NDUFS4: variants seen among roughly 807,000 people sequenced by gnomAD.
The protein encoded by NDUFS4 is NADH:ubiquinone oxidoreductase subunit S4.
Under a neutral mutation model 24.3 loss-of-function variants are expected in NDUFS4, and 28 were observed. The observed-to-expected ratio is 1.15, with a 90% CI of 0.85 to 1.58. The LOEUF (loss-of-function observed/expected upper bound fraction) is 1.58. Ranked by LOEUF, NDUFS4 falls within the 40% of genes most tolerant of loss-of-function variation. NDUFS4 has a pLI of 0.00. For missense variants in NDUFS4, 223 were observed against 207.9 expected (o/e 1.07, Z -0.45); for synonymous variants, 93 against 69.7 (o/e 1.34, Z -1.67).
chr5:53,667,395 G>A (rs1167194766), intron 4 of NDUFS4, among the ~76,000 whole-genome samples: 1 of 151,792 alleles, frequency 6.6e-6, no homozygotes, highest in African/African-American at 2.4e-5. Flanking sequence ...AACCCGGGAG[G>A]CAGAGGTTGC....
At position 53,577,229 on chromosome 5, in the gene NDUFS4, G is replaced by A. The variant is rs528647100; in HGVS notation, c.98+16469G>A. Among the ~76,000 whole-genome samples the A allele has an allele frequency of 3.9e-5, 6 of 152,256 alleles. No homozygotes were observed. The East Asian group carries it at 9.6e-4, about 24-fold the overall frequency. ...GTATTACCCATTTGAAAGGTGGAAG[G>A]CTTGACCATTTATCCATAAGTTCTC... On this transcript the variant is annotated intron_variant, in intron 1 of 4. Transcript: ENST00000296684.
intron 2 of NDUFS4, among the ~76,000 whole-genome samples, chr5:53,631,750 C>G (rs981713519): frequency 3.9e-5 from 6 of 152,178 alleles, no homozygotes; most frequent in African/African-American, 1.4e-4. Flanking sequence ...CATCCCAGGT[C>G]GATCTCAGAC....
intron 1 of NDUFS4, among the ~76,000 whole-genome samples, chr5:53,592,615 G>A (rs1165130166): frequency 1.3e-5 from 2 of 151,600 alleles, no homozygotes; most frequent in African/African-American, 4.8e-5. Flanking sequence ...GCATGTGGAT[G>A]TCTGGTTGTA....
At chr5:53,628,076 A>G (rs1239138348) in intron 2 of NDUFS4, among the ~76,000 whole-genome samples, 1 of 152,124 alleles carries the variant, frequency 6.6e-6, no homozygotes, top group East Asian at 1.9e-4. Context: ...GTTTATTGAG[A>G]GTTTTTAGCA....
intron 3 of NDUFS4, among the ~76,000 whole-genome samples, chr5:53,647,556 G>A (rs760013423): frequency 1.8e-4 from 27 of 152,114 alleles, no homozygotes; most frequent in Non-Finnish European, 2.8e-4. Flanking sequence ...ATAAATTCTT[G>A]TGGTACTAAT....
At chr5:53,604,036 C>T (rs1044556072) in intron 2 of NDUFS4, among the ~76,000 whole-genome samples, 5 of 152,068 alleles carry the variant, frequency 3.3e-5, no homozygotes, top group African/African-American at 1.2e-4. Flanking sequence ...ACTAGCAAGA[C>T]CAGCAACAAA....
chr5:53,565,842 C>A (rs1475166705), intron 1 of NDUFS4, among the ~76,000 whole-genome samples: 1 of 152,108 alleles, frequency 6.6e-6, no homozygotes, highest in Non-Finnish European at 1.5e-5. Context: ...AACATGAGAA[C>A]TTTTTTGGAG....
intron 1 of NDUFS4, among the ~76,000 whole-genome samples, chr5:53,602,965 CTAA>C (rs1436571342): frequency 6.6e-6 from 1 of 152,158 alleles, no homozygotes; most frequent in Non-Finnish European, 1.5e-5. Flanking sequence ...CAGGACTAAA[CTAA>C]TAACATTAGT....
At chr5:53,624,544 C>A (rs1007319212) in intron 2 of NDUFS4, among the ~76,000 whole-genome samples, 5 of 152,150 alleles carry the variant, frequency 3.3e-5, no homozygotes, top group African/African-American at 9.7e-5. Flanking sequence ...GTGTACAAAT[C>A]TTTCGTTTTC....
chr5:53,580,691 TC>T (rs1406299223), intron 1 of NDUFS4, among the ~76,000 whole-genome samples: 4 of 146,008 alleles, frequency 2.7e-5, no homozygotes, highest in African/African-American at 7.8e-5. Flanking sequence ...CTTTCGTCCT[TC>T]CTTTCCTTTC....
chr5:53,629,353 C>T (rs1751329184), intron 2 of NDUFS4, among the ~76,000 whole-genome samples: 1 of 152,066 alleles, frequency 6.6e-6, no homozygotes, highest in Non-Finnish European at 1.5e-5. Context: ...AATGTATATT[C>T]TATTGATTTG....
chr5:53,630,448 C>G (rs943086517), intron 2 of NDUFS4, among the ~76,000 whole-genome samples: 19 of 151,848 alleles, frequency 1.3e-4, no homozygotes, highest in African/African-American at 4.4e-4. Context: ...TGGGGAAGTT[C>G]TCCTGGATAA....
rs76097172 is a variant in NDUFS4 at position 53,665,783 on chromosome 5, C to T, written c.424+7159C>T. Among the ~76,000 whole-genome samples the T allele has an allele frequency of 5.3e-5, 8 of 152,332 alleles. No homozygotes were observed. The East Asian group carries it at 9.7e-4, about 18-fold the overall frequency. ...GACCCCTTGCGCTTCCTGGGTGAGG[C>T]GATGCCTCGCCCTGCTTGGGCTCAC... is the stretch of plus-strand genomic sequence containing the variant. On this transcript the variant is annotated intron_variant, in intron 4 of 4. Transcript: ENST00000296684.
At chr5:53,594,859 C>T (rs1026996504) in intron 1 of NDUFS4, among the ~76,000 whole-genome samples, 28 of 139,444 alleles carry the variant, frequency 2.0e-4, no homozygotes, top group Admixed American at 4.5e-4. Context: ...TTTGTATATA[C>T]GTATGTCTGT....
intron 2 of NDUFS4, among the ~76,000 whole-genome samples, chr5:53,609,450 GCT>G (rs1328179670): frequency 2.0e-5 from 3 of 152,154 alleles, no homozygotes; most frequent in African/African-American, 7.2e-5. Flanking sequence ...AGTAAACCAT[GCT>G]GTAAACAACT....
At chr5:53,683,050 T>C in intron 4 of NDUFS4, 68 bp from the exon 5 acceptor site, 1 of 1,018,962 alleles carries the variant, frequency 9.8e-7, no homozygotes, top group South Asian at 1.3e-5. Flanking sequence ...TAGCCTCTGC[T>C]TGCTGTGCTT....
intron 1 of NDUFS4, among the ~76,000 whole-genome samples, chr5:53,573,018 A>G (rs1455088812): frequency 1.5e-5 from 2 of 130,950 alleles, no homozygotes; most frequent in Admixed American, 8.8e-5. Flanking sequence ...TACTCAGGCT[A>G]TAGGGTAGTG....
At chr5:53,626,510 G>A (rs534537605) in intron 2 of NDUFS4, among the ~76,000 whole-genome samples, 13 of 152,230 alleles carry the variant, frequency 8.5e-5, no homozygotes, top group Admixed American at 1.3e-4. Context: ...ATGTAAAAGC[G>A]TTCATATTTC....
At chr5:53,581,340 A>G (rs1389382459) in intron 1 of NDUFS4, among the ~76,000 whole-genome samples, 1 of 151,932 alleles carries the variant, frequency 6.6e-6, no homozygotes. Context: ...TCTCCCTCTC[A>G]TCAGTCTCAG....
Sources: gnomAD v4.1 joint callset for allele counts (sites outside exome capture counted in the v4.1 genomes callset) on GRCh38, gnomAD v4.1.1 for gene constraint, MANE v1.5 for transcripts, NCBI Gene and HGNC (gene_info 2026-07-23, HGNC 2026-07-21) for gene names.